Variants in SVIL observed in about 807,000 individuals in gnomAD.
The protein encoded by SVIL is archvillin.
Under a neutral mutation model 240.4 loss-of-function variants are expected in SVIL, and 101 were observed. The observed-to-expected ratio is 0.42, with a 90% CI of 0.36 to 0.50. SVIL has a LOEUF of 0.50. SVIL is among the 20% of genes least tolerant of loss of function. The pLI, the probability that SVIL is intolerant of heterozygous loss-of-function variation, is 0.01. For synonymous variants in SVIL, 999 were observed against 1,100.0 expected (o/e 0.91, Z 1.82); for missense variants, 2,512 against 2,818.7 (o/e 0.89, Z 2.46).
intron 34 of SVIL, among the ~76,000 whole-genome samples, chr10:29,464,653 C>T (rs1352998601): frequency 1.3e-5 from 2 of 152,046 alleles, no homozygotes; most frequent in African/African-American, 2.4e-5. Context: ...GTTGATAACC[C>T]GCCCTGAGCC....
At chr10:29,468,669 G>A (rs570437763) in intron 32 of SVIL, among the ~76,000 whole-genome samples, 4 of 150,944 alleles carry the variant, frequency 2.6e-5, no homozygotes, top group South Asian at 2.1e-4. Flanking sequence ...TATATATGGG[G>A]TACAGCCATA....
rs147042574 is a variant in SVIL at position 29,668,083 on chromosome 10, G to T, written c.-300-10015C>A. Among the ~76,000 whole-genome samples the T allele has an allele frequency of 2.0e-4, 31 of 152,130 alleles. No homozygotes were observed. The East Asian group carries it at 5.8e-3, about 28-fold the overall frequency. Reference sequence around the variant, plus strand: ...TATTCTCACCCTATATTTACAGGACGACTATTAATAGCTTATTTTTAGAGA... The same window carrying T: ...TATTCTCACCCTATATTTACAGGACTACTATTAATAGCTTATTTTTAGAGA... On this transcript the variant is annotated intron_variant, in intron 2 of 35. Coordinates refer to the SVIL transcript ENST00000375400.
intron 3 of SVIL, among the ~76,000 whole-genome samples, chr10:29,653,452 T>C (rs1958905069): frequency 6.6e-6 from 1 of 152,188 alleles, no homozygotes; most frequent in South Asian, 2.1e-4. Context: ...CCTATTTTCT[T>C]TATGAATTAC....
intron 17 of SVIL, among the ~76,000 whole-genome samples, chr10:29,500,669 C>T (rs1465186587): frequency 1.3e-5 from 2 of 152,158 alleles, no homozygotes; most frequent in African/African-American, 4.8e-5. Flanking sequence ...CTAGCAGGTC[C>T]CCCACCTTTT....
chr10:29,641,210 C>T (rs1958474836), intron 3 of SVIL, among the ~76,000 whole-genome samples: 2 of 151,728 alleles, frequency 1.3e-5, no homozygotes, highest in Non-Finnish European at 2.9e-5. Context: ...TTGAGACCAG[C>T]CTGGGCAACA....
intron 2 of SVIL, among the ~76,000 whole-genome samples, chr10:29,677,805 G>A (rs1248478703): frequency 6.6e-6 from 1 of 152,046 alleles, no homozygotes; most frequent in Non-Finnish European, 1.5e-5. Flanking sequence ...CCACCCAAGT[G>A]CTGTGTAAAC....
upstream of SVIL, among the ~76,000 whole-genome samples, chr10:29,736,287 G>A (rs1207277678): frequency 1.3e-5 from 2 of 152,208 alleles, no homozygotes; most frequent in African/African-American, 4.8e-5. Context: ...TTAAAACACC[G>A]GAAAGGCAGA....
chr10:29,729,450 GGTGTGTGTGTGTGTGT>G (rs55940009), intron 1 of SVIL, among the ~76,000 whole-genome samples: 257 of 136,744 alleles, frequency 1.9e-3, no homozygotes, highest in South Asian at 6.8e-3. Flanking sequence ...TGTTTATGGA[GGTGTGTGTGTGTGTGT>G]GTGTGTGTGT....
intron 17 of SVIL, among the ~76,000 whole-genome samples, 168 bp from the exon 18 acceptor site, chr10:29,499,431 G>A (rs564459292): frequency 3.3e-5 from 5 of 152,324 alleles, no homozygotes; most frequent in African/African-American, 7.2e-5. Context: ...GCTTCCTTAC[G>A]TCCAGGTTGG....
At chr10:29,528,668 G>A (rs1743445817) in intron 12 of SVIL, among the ~76,000 whole-genome samples, 1 of 152,014 alleles carries the variant, frequency 6.6e-6, no homozygotes, top group Non-Finnish European at 1.5e-5. Flanking sequence ...AGCCCAGGAG[G>A]TTGAGGCTGT....
In SVIL at chr10:29,551,155, G is replaced by C. The variant is rs769988915; in HGVS notation, c.269C>G (p.Ser90Trp). ...CAGACTGTGGGTGTCCATGGTACCC[G>C]AACCATAGGGTGAGTCACCGTGGAC... is the stretch of plus-strand genomic sequence containing the variant. Reference protein sequence around the residue: ...SGVHGDSPYGSGTMDTHSLES... With the variant: ...SGVHGDSPYGWGTMDTHSLES... Residue 90 changes from serine to tryptophan, a missense_variant, in exon 6 of 38, where the codon TCG (serine) becomes TGG (tryptophan). Ser to Trp is a radical substitution (Grantham distance 177). This residue lies in a region of SVIL where 1,443 missense variants were observed against 1,486.6 expected (regional missense o/e 0.97). Coordinates refer to ENST00000355867, the MANE Select transcript of SVIL (RefSeq NM_021738.3). The C allele has an allele frequency of 3.7e-6, 6 of 1,614,112 alleles. No homozygotes were observed. Among genetic ancestry groups the C allele is most frequent in the Non-Finnish European group, 5.1e-6 (6 of 1,180,018 alleles).
intron 13 of SVIL, among the ~76,000 whole-genome samples, chr10:29,526,472 T>G (rs1448663519): frequency 6.6e-6 from 1 of 152,062 alleles, no homozygotes; most frequent in Admixed American, 6.5e-5. Flanking sequence ...GCCCAGCTAA[T>G]TTTTGTATTT....
intron 3 of SVIL, among the ~76,000 whole-genome samples, chr10:29,651,631 T>C (rs1958840351): frequency 6.6e-6 from 1 of 151,572 alleles, no homozygotes; most frequent in Non-Finnish European, 1.5e-5. Flanking sequence ...TCTCTCTCTC[T>C]CTCTCTCTCT....
At chr10:29,511,532 G>T (rs948124598) in intron 17 of SVIL, among the ~76,000 whole-genome samples, 1 of 151,934 alleles carries the variant, frequency 6.6e-6, no homozygotes, top group Non-Finnish European at 1.5e-5. Context: ...TTTAAATAAA[G>T]TTTGCGGGTA....
chr10:29,471,582 C>T (rs1945587516), intron 30 of SVIL, among the ~76,000 whole-genome samples: 1 of 152,180 alleles, frequency 6.6e-6, no homozygotes, highest in South Asian at 2.1e-4. Flanking sequence ...TTATTGATGT[C>T]ACAAGACTGA....
Position 29,508,463 on chromosome 10 carries a change from C to T in SVIL, c.3516+4272G>A. The T allele has an allele frequency of 3.3e-6, 4 of 1,210,982 alleles. No individual in the cohort carries two copies. In the South Asian group the frequency reaches 5.0e-5, roughly 15 times the overall value. The allele number at this position is 1,210,982 out of a possible 1,614,324, so 75.0% of individuals were successfully genotyped here. A position where few individuals can be genotyped will look rare whatever the true frequency, so the allele number is the denominator to read the frequency against. Reference sequence around the variant, plus strand: ...AGCCTGGTCAGGGCATCGCAATCACCTTCAAGTATTTCATGCCTGGGTTCA... The same window carrying T: ...AGCCTGGTCAGGGCATCGCAATCACTTTCAAGTATTTCATGCCTGGGTTCA... On this transcript the variant is annotated intron_variant, in intron 17 of 37. Transcript: ENST00000355867.
chr10:29,681,308 T>C (rs1473624970), intron 2 of SVIL, among the ~76,000 whole-genome samples: 1 of 151,676 alleles, frequency 6.6e-6, no homozygotes, highest in East Asian at 1.9e-4. Flanking sequence ...TTACACAGAA[T>C]GACAGCCCAG....
rs367858146 is a variant in SVIL at position 29,608,114 on chromosome 10, A to G, written c.-201+26306T>C. ...AGTCACTTTGAGTATGGGACTCTCT[A>G]CTGCCCCCTCCCACCTACACAACAT... On this transcript the variant is annotated intron_variant, in intron 1 of 37. Coordinates refer to ENST00000355867, the MANE Select transcript of SVIL (RefSeq NM_021738.3). 3.9e-5 allele frequency among the ~76,000 whole-genome samples: 6 copies of G among 152,096 alleles called. No homozygotes were observed. In the East Asian group the frequency reaches 1.2e-3, roughly 29 times the overall value.
At position 29,457,449 on chromosome 10, in the gene SVIL, T is replaced by TTTTA. The variant is rs1306300671; in HGVS notation, c.*794_*797dup. On this transcript the variant is annotated 3_prime_UTR_variant, in exon 38 of 38. Coordinates refer to ENST00000355867, the MANE Select transcript of SVIL (RefSeq NM_021738.3). ...CAACCGGTATTAGAAATTGAGATGT[T>TTTTA]TTTATTTTGACTATTTGAGAGTAAA... The TTTTA allele has an allele frequency of 1.3e-5, 2 of 152,580 alleles. No homozygotes were observed. Among genetic ancestry groups the TTTTA allele is most frequent in the Non-Finnish European group, 1.5e-5 (1 of 68,044 alleles). The allele number at this position is 152,580 out of a possible 1,614,324, so 9.5% of individuals were successfully genotyped here. A position where few individuals can be genotyped will look rare whatever the true frequency, so the allele number is the denominator to read the frequency against.
Sources: gnomAD v4.1 joint callset for allele counts (sites outside exome capture counted in the v4.1 genomes callset) on GRCh38, gnomAD v4.1.1 for gene constraint, gnomAD v4.1.1 regional missense constraint, MANE v1.5 for transcripts, NCBI Gene and HGNC (gene_info 2026-07-23, HGNC 2026-07-21) for gene names.